The following PLCB3 variants were observed in gnomAD, a reference collection of about 807,000 sequenced individuals.
The protein encoded by PLCB3 is phospholipase C beta 3.
A neutral mutation model predicts 152.1 loss-of-function variants in PLCB3; 54 were observed. The ratio of observed to expected loss-of-function variants is 0.36; its 90% CI spans 0.29 to 0.45. The LOEUF (loss-of-function observed/expected upper bound fraction) is 0.45, where lower values mean the gene tolerates loss of function less well. PLCB3 is among the 20% of genes least tolerant of loss of function. The probability of loss-of-function intolerance (pLI) is 1.00; values close to 1 mark genes in which losing one functional copy is unlikely to be tolerated. For missense variants in PLCB3, 1,248 were observed against 1,687.5 expected (o/e 0.74, Z 4.56); for synonymous variants, 717 against 698.7 (o/e 1.03, Z -0.41).
chr11:64,265,271 TCCCCCAC>T, intron 24 of PLCB3, 32 bp from the exon 25 acceptor site: 3 of 1,576,180 alleles, frequency 1.9e-6, no homozygotes, highest in Non-Finnish European at 2.6e-6. Flanking sequence ...CCTTGCAGGT[TCCCCCAC>T]CCCCCGCCCA....
rs2031889767 is a variant in PLCB3 at position 64,262,259 on chromosome 11, A to G, written c.2039-148A>G. 3.2e-6 allele frequency: 4 copies of G among 1,262,988 alleles called. No homozygotes were observed. The East Asian group carries it at 7.0e-5, about 22-fold the overall frequency. 78.2% of individuals were successfully genotyped at this position (1,262,988 alleles called of 1,614,324 possible). A position where few individuals can be genotyped will look rare whatever the true frequency, so the allele number is the denominator to read the frequency against. On this transcript the variant is annotated intron_variant, in intron 17 of 30. Transcript: ENST00000279230. ...TGATACCAGACCCCTCCCCTGTCTG[A>G]TCTGTCCTGGATCCGGACCCTGATG...
At position 64,261,585 on chromosome 11, in the gene PLCB3, G is replaced by A. The variant is rs376137372; in HGVS notation, c.1833G>A (p.Arg611=). The change falls in exon 16 of 31, where the codon AGG becomes AGA. Residue 611 remains arginine, a synonymous_variant. Transcript: ENST00000279230. ...KFKSFEAARK[R]NKCFEMSSFV... Reference sequence around the variant, plus strand: ...CTTTCTTGGCTCACCCCTAAGAGAGGAACAAATGCTTCGAGATGTCGTCCT... The same window carrying A: ...CTTTCTTGGCTCACCCCTAAGAGAGAAACAAATGCTTCGAGATGTCGTCCT... 7.5e-5 allele frequency: 121 copies of A among 1,614,074 alleles called. No homozygotes were observed. The highest frequency in any genetic ancestry group is 9.8e-5 in the Non-Finnish European group (116 of 1,180,022).
chr11:64,256,346 C>T, intron 8 of PLCB3, 30 bp from the exon 9 acceptor site: 1 of 1,605,506 alleles, frequency 6.2e-7, no homozygotes, highest in Non-Finnish European at 8.5e-7. Flanking sequence ...TGCCAGGCTC[C>T]ATCCTGACCC....
At chr11:64,252,589 G>C (rs1352076614) in intron 1 of PLCB3, among the ~76,000 whole-genome samples, 1 of 152,224 alleles carries the variant, frequency 6.6e-6, no homozygotes, top group East Asian at 1.9e-4. Flanking sequence ...AAGACTCTGG[G>C]CTCTTTTCCG....
intron 13 of PLCB3, 28 bp from the exon 14 acceptor site, chr11:64,260,001 C>T: frequency 6.3e-7 from 1 of 1,595,314 alleles, no homozygotes; most frequent in Non-Finnish European, 8.6e-7. Context: ...GGTCCTGACC[C>T]CTCACCCTGT....
In PLCB3 at chr11:64,258,988, A is replaced by G; in HGVS notation, c.1338+19A>G. ...GTACCCGGTACGGGAGCTCGGAGCG[A>G]GGGGGGTGGCATGGGGGCCAGGGTG... On this transcript the variant is annotated intron_variant, in intron 12 of 30. Coordinates refer to ENST00000279230, the MANE Select transcript of PLCB3 (RefSeq NM_000932.5). This position sits in a 1 kb window ranked among gnomAD's most constrained non-coding sequence, Gnocchi z 7.2. 1 of 1,613,514 alleles carries G rather than the reference A, an allele frequency of 6.2e-7. No individual in the cohort carries two copies. The highest frequency in any genetic ancestry group is 8.5e-7 in the Non-Finnish European group (1 of 1,179,796).
chr11:64,253,928 G>A (rs377679848), intron 1 of PLCB3, among the ~76,000 whole-genome samples: 15 of 152,176 alleles, frequency 9.9e-5, no homozygotes, highest in East Asian at 9.6e-4. Context: ...GATGTCCCAA[G>A]GGATGCAGAA....
In PLCB3 at chr11:64,256,643, C is replaced by T. The variant is rs776215428; in HGVS notation, c.891C>T (p.Ser297=). The T allele has an allele frequency of 6.2e-7, 1 of 1,614,182 alleles. No individual in the cohort carries two copies. Among genetic ancestry groups the T allele is most frequent in the South Asian group, 1.1e-5 (1 of 91,090 alleles). ...ACCAGATGTCCATGGAGGGCTTTAGCCGCTACCTGGGAGGCGAGGAGAATG... is the reference window on the plus strand; with the variant it reads ...ACCAGATGTCCATGGAGGGCTTTAGTCGCTACCTGGGAGGCGAGGAGAATG... ...ERDQMSMEGF[S]RYLGGEENGI... The change falls in exon 10 of 31, where the codon AGC becomes AGT. Residue 297 remains serine, a synonymous_variant. Coordinates refer to ENST00000279230, the MANE Select transcript of PLCB3 (RefSeq NM_000932.5).
chr11:64,261,318 G>A, intron 14 of PLCB3, 82 bp from the exon 15 acceptor site: 3 of 986,976 alleles, frequency 3.0e-6, no homozygotes, highest in Admixed American at 1.7e-5. Context: ...AAGAGGGTCA[G>A]CACCTCCTTC....
In PLCB3 at chr11:64,266,720, G is replaced by A. The variant is rs2032141887; in HGVS notation, c.3414+168G>A. Among the ~76,000 whole-genome samples, 2 of 152,134 alleles carry A rather than the reference G, an allele frequency of 1.3e-5. No individual in the cohort carries two copies. Among genetic ancestry groups the A allele is most frequent in the African/African-American group, 2.4e-5 (1 of 41,416 alleles). On this transcript the variant is annotated intron_variant, in intron 29 of 30. Coordinates refer to ENST00000279230, the MANE Select transcript of PLCB3 (RefSeq NM_000932.5). The surrounding 1 kb of genome is among the most constrained non-coding windows in gnomAD (Gnocchi z 4.9). ...ACATCATACCCAAAGCCAACTGTCT[G>A]TACCAGTGTCCCTGGCTTTGGCGTC...
chr11:64,262,568 C>A lies in PLCB3; in HGVS notation c.2193+7C>A. ...CAATGCCTTGCGGGTCAAGGTGGGG[C>A]TTGCGGGCGGCTCAGGCCAGGGGTG... is the stretch of plus-strand genomic sequence containing the variant. On this transcript the variant is annotated splice_region_variant and intron_variant, in intron 18 of 30. Coordinates refer to ENST00000279230, the MANE Select transcript of PLCB3 (RefSeq NM_000932.5). 1 of 1,613,072 alleles carries A rather than the reference C, an allele frequency of 6.2e-7. No homozygotes were observed. The highest frequency in any genetic ancestry group is 8.5e-7 in the Non-Finnish European group (1 of 1,179,388).
At position 64,260,193 on chromosome 11, in the gene PLCB3, G is replaced by A. The variant is rs1411377909; in HGVS notation, c.1690G>A (p.Glu564Lys). ...TGAGGATGAGGAGGAAGATGAGGAAGAGGAGGAACAGACAGACCCCAAAAA... is the reference window on the plus strand; with the variant it reads ...TGAGGATGAGGAGGAAGATGAGGAAAAGGAGGAACAGACAGACCCCAAAAA... ...DREDEEEDEEEEEQTDPKKPT... is the reference protein window; with the variant it reads ...DREDEEEDEEKEEQTDPKKPT... Residue 564 changes from glutamate to lysine, a missense_variant, in exon 14 of 31, where the codon GAG (glutamate) becomes AAG (lysine). Physicochemically the swap from Glu to Lys is moderately conservative, Grantham distance 56 (BLOSUM62 1). This residue lies in a region of PLCB3 where 105 missense variants were observed against 100.9 expected (regional missense o/e 1.04). Coordinates refer to ENST00000279230, the MANE Select transcript of PLCB3 (RefSeq NM_000932.5). 1 of 1,591,998 alleles carries A rather than the reference G, an allele frequency of 6.3e-7. No homozygotes were observed. The highest frequency in any genetic ancestry group is 8.6e-7 in the Non-Finnish European group (1 of 1,168,726).
intron 10 of PLCB3, among the ~76,000 whole-genome samples, chr11:64,257,161 C>T (rs953287154): frequency 6.6e-6 from 1 of 152,124 alleles, no homozygotes; most frequent in Non-Finnish European, 1.5e-5. Flanking sequence ...TTCGCCACCA[C>T]GCCCGGCTAA....
Position 64,265,239 on chromosome 11 carries a change from G to A in PLCB3, c.2842+12G>A. 2 of 1,596,340 alleles carry A rather than the reference G, an allele frequency of 1.3e-6. No individual in the cohort carries two copies. Among genetic ancestry groups the A allele is most frequent in the Non-Finnish European group, 1.7e-6 (2 of 1,170,770 alleles). On this transcript the variant is annotated intron_variant, in intron 24 of 30. Coordinates refer to ENST00000279230, the MANE Select transcript of PLCB3 (RefSeq NM_000932.5). ...CAGCATCCTCTCAGGTAGGGGGCGG[G>A]GTACCTGGAGGCAGGGGGCTGCCTT...
At position 64,262,557 on chromosome 11, in the gene PLCB3, T is replaced by C; in HGVS notation, c.2189T>C (p.Val730Ala). The change falls in exon 18 of 31, where the codon GTC becomes GCC. Residue 730 changes from valine (V) to alanine (A), a missense_variant. Transcript: ENST00000279230. Reference sequence around the variant, plus strand: ...GGCATCGTGGCCAATGCCTTGCGGGTCAAGGTGGGGCTTGCGGGCGGCTCA... The same window carrying C: ...GGCATCGTGGCCAATGCCTTGCGGGCCAAGGTGGGGCTTGCGGGCGGCTCA... ...VDGIVANALR[V>A]KVISGQFLSD... The C allele has an allele frequency of 6.2e-7, 1 of 1,613,350 alleles. No homozygotes were observed. The highest frequency in any genetic ancestry group is 8.5e-7 in the Non-Finnish European group (1 of 1,179,608).
At chr11:64,260,257 G>T in intron 14 of PLCB3, 23 bp downstream of exon 14, 1 of 1,525,956 alleles carries the variant, frequency 6.6e-7, no homozygotes, top group Non-Finnish European at 8.9e-7. Flanking sequence ...GGGTGGGCAG[G>T]TCGGGGAGGT....
In PLCB3 at chr11:64,265,076, C is replaced by A; in HGVS notation, c.2778C>A (p.Ser926=). 6.5e-7 allele frequency: 1 copy of A among 1,544,742 alleles called. No individual in the cohort carries two copies. Among genetic ancestry groups the A allele is most frequent in the Non-Finnish European group, 8.7e-7 (1 of 1,143,348 alleles). ...SPRRPPGPTT[S]PASTSLSSPG... ...GCCGGCCCCCTGGCCCCACCACCTCCCCTGCCAGCACCTCCCTCAGCAGCC... is the reference window on the plus strand; with the variant it reads ...GCCGGCCCCCTGGCCCCACCACCTCACCTGCCAGCACCTCCCTCAGCAGCC... Residue 926 remains serine (S), a synonymous_variant, in exon 23 of 31, where the codon TCC becomes TCA. Transcript: ENST00000279230.
intron 1 of PLCB3, among the ~76,000 whole-genome samples, chr11:64,253,133 A>G (rs1404519210): frequency 2.0e-5 from 3 of 152,222 alleles, no homozygotes; most frequent in African/African-American, 4.8e-5. Flanking sequence ...CCCATTCTCC[A>G]GAAGAGGAAA....
rs371832949 is a variant in PLCB3 at position 64,262,933 on chromosome 11, CA to C, written c.2355+126del. ...CTGGGGATCAGAAAGTGGGGGGTGC[CA>C]TGGGTCCCCCAGGACCTGCCTGTCC... On this transcript the variant is annotated intron_variant, in intron 19 of 30. Coordinates refer to ENST00000279230, the MANE Select transcript of PLCB3 (RefSeq NM_000932.5). 1.8e-4 allele frequency: 173 copies of C among 966,658 alleles called. No homozygotes were observed. In the East Asian group the frequency reaches 3.3e-3, roughly 18 times the overall value. 59.9% of individuals were successfully genotyped at this position (966,658 alleles called of 1,614,324 possible).
Sources: allele counts gnomAD v4.1 joint callset (sites outside exome capture counted in the v4.1 genomes callset), GRCh38; gene constraint gnomAD v4.1.1; regional missense constraint gnomAD v4.1.1; non-coding constraint Gnocchi (gnomAD v3.1); transcripts MANE v1.5; gene names NCBI Gene and HGNC (gene_info 2026-07-23, HGNC 2026-07-21).